Variants in CFAP299 observed in about 807,000 individuals in gnomAD.
CFAP299 encodes the protein cilia and flagella associated protein 299.
In CFAP299, 21 loss-of-function variants were observed where a neutral mutation model predicts 27.0. The ratio of observed to expected loss-of-function variants is 0.78; its 90% CI spans 0.55 to 1.12. The LOEUF (loss-of-function observed/expected upper bound fraction) is 1.12. Ranked by LOEUF, CFAP299 falls within the 50% of genes most tolerant of loss-of-function variation. The pLI, the probability that CFAP299 is intolerant of heterozygous loss-of-function variation, is 0.00. For synonymous variants in CFAP299, 104 were observed against 98.1 expected, an observed-to-expected ratio of 1.06 and a Z score of -0.36; for missense variants, 310 against 276.6, an observed-to-expected ratio of 1.12 and a Z score of -0.86.
At chr4:80,792,016 T>C (rs1011059100) in intron 3 of CFAP299, among the ~76,000 whole-genome samples, 4 of 151,512 alleles carry the variant, frequency 2.6e-5, no homozygotes, top group African/African-American at 9.7e-5. Flanking sequence ...AATGAATAAT[T>C]CAATGTTATA....
At chr4:80,400,037 T>C (rs1726054212) in intron 2 of CFAP299, among the ~76,000 whole-genome samples, 2 of 152,170 alleles carry the variant, frequency 1.3e-5, no homozygotes, top group Admixed American at 1.3e-4. Flanking sequence ...ATTTGTTGGA[T>C]TTTTGCCAAC....
intron 2 of CFAP299, among the ~76,000 whole-genome samples, chr4:80,582,747 C>T (rs749455322): frequency 6.6e-6 from 1 of 151,548 alleles, no homozygotes; most frequent in Non-Finnish European, 1.5e-5. Context: ...ATAAACTGTA[C>T]TAAAGTTATA....
intron 2 of CFAP299, among the ~76,000 whole-genome samples, chr4:80,580,280 G>C (rs1471020985): frequency 6.6e-6 from 1 of 152,012 alleles, no homozygotes; most frequent in African/African-American, 2.4e-5. Flanking sequence ...GTATTCATTA[G>C]CTGAGGTTTG....
At chr4:80,478,671 G>A (rs1730402708) in intron 2 of CFAP299, among the ~76,000 whole-genome samples, 1 of 152,022 alleles carries the variant, frequency 6.6e-6, no homozygotes, top group Non-Finnish European at 1.5e-5. Flanking sequence ...AGTTGGGTAT[G>A]AGTTGATTCT....
At chr4:80,509,539 A>G (rs2110161621) in intron 2 of CFAP299, among the ~76,000 whole-genome samples, 1 of 152,292 alleles carries the variant, frequency 6.6e-6, no homozygotes, top group South Asian at 2.1e-4. Context: ...TTGAATCTTG[A>G]CCTCTGAGTG....
chr4:80,493,977 T>A (rs921609704), intron 2 of CFAP299, among the ~76,000 whole-genome samples: 3 of 151,414 alleles, frequency 2.0e-5, no homozygotes, highest in Non-Finnish European at 4.4e-5. Context: ...GGGTTTCACC[T>A]TGTTAGCCAG....
At chr4:80,772,066 C>T (rs1411263003) in intron 3 of CFAP299, among the ~76,000 whole-genome samples, 2 of 152,170 alleles carry the variant, frequency 1.3e-5, no homozygotes, top group African/African-American at 4.8e-5. Flanking sequence ...TTATGAACAG[C>T]TCTGACCTAT....
chr4:80,452,005 G>A (rs1398255532), intron 2 of CFAP299, among the ~76,000 whole-genome samples: 2 of 152,120 alleles, frequency 1.3e-5, no homozygotes, highest in Non-Finnish European at 2.9e-5. Flanking sequence ...CTTGAGTTTG[G>A]AACAGTTGAT....
chr4:80,586,573 T>G (rs937238476), intron 3 of CFAP299, among the ~76,000 whole-genome samples: 13 of 152,124 alleles, frequency 8.5e-5, no homozygotes, highest in Non-Finnish European at 1.5e-4. Flanking sequence ...GCAAACCGCT[T>G]TACTATTTGC....
intron 3 of CFAP299, among the ~76,000 whole-genome samples, chr4:80,771,300 C>T (rs1046209817): frequency 2.6e-5 from 4 of 152,114 alleles, no homozygotes; most frequent in Non-Finnish European, 4.4e-5. Context: ...AAATGTCAGG[C>T]ACAGACCAAA....
intron 3 of CFAP299, among the ~76,000 whole-genome samples, chr4:80,684,408 C>G (rs756837107): frequency 6.6e-6 from 1 of 151,936 alleles, no homozygotes; most frequent in Non-Finnish European, 1.5e-5. Context: ...GGACTATAGG[C>G]GCCTGCTACC....
intron 2 of CFAP299, among the ~76,000 whole-genome samples, chr4:80,447,435 T>A (rs545890340): frequency 1.5e-5 from 2 of 137,222 alleles, no homozygotes; most frequent in East Asian, 4.5e-4. Context: ...GCGCCCGGCC[T>A]ATTTGTTTGT....
At chr4:80,872,810 T>C (rs1733171107) in intron 4 of CFAP299, 3 of 775,576 alleles carry the variant, frequency 3.9e-6, no homozygotes, top group Non-Finnish European at 4.7e-6. Context: ...AAGTGAGCTA[T>C]TCTTTTTCTT....
chr4:80,473,513 A>G (rs1730113907), intron 2 of CFAP299, among the ~76,000 whole-genome samples: 1 of 151,634 alleles, frequency 6.6e-6, no homozygotes, highest in South Asian at 2.1e-4. Flanking sequence ...TATGTCTTTT[A>G]TTTATAGATT....
intron 2 of CFAP299, among the ~76,000 whole-genome samples, chr4:80,441,951 A>C (rs1728380689): frequency 6.6e-6 from 1 of 152,216 alleles, no homozygotes; most frequent in South Asian, 2.1e-4. Context: ...AGATCATCAG[A>C]GACAAAGAAG....
rs371319233 is a variant in CFAP299 at position 80,486,262 on chromosome 4, G to A, written c.243-96831G>A. ...CTCTCACTACCCTTGTTTTCTAGAGGAAGCCTGCAAATGCCAGTAATTTCT... is the reference window on the plus strand; with the variant it reads ...CTCTCACTACCCTTGTTTTCTAGAGAAAGCCTGCAAATGCCAGTAATTTCT... On this transcript the variant is annotated intron_variant, in intron 2 of 5. Transcript: ENST00000358105. Among the ~76,000 whole-genome samples, 7 of 152,282 alleles carry A rather than the reference G, an allele frequency of 4.6e-5. No homozygotes were observed. In the East Asian group the frequency reaches 9.6e-4, roughly 21 times the overall value.
chr4:80,840,291 A>G (rs1358954714), intron 3 of CFAP299, among the ~76,000 whole-genome samples: 3 of 152,132 alleles, frequency 2.0e-5, no homozygotes, highest in Non-Finnish European at 2.9e-5. Flanking sequence ...ACATCTATCA[A>G]AAGTGTTTAC....
At chr4:80,524,332 G>A (rs969537404) in intron 2 of CFAP299, among the ~76,000 whole-genome samples, 5 of 151,920 alleles carry the variant, frequency 3.3e-5, no homozygotes, top group Non-Finnish European at 5.9e-5. Context: ...TATGTAACTA[G>A]CCCAGAGTTT....
At chr4:80,775,505 A>G (rs1401937916) in intron 3 of CFAP299, among the ~76,000 whole-genome samples, 1 of 151,982 alleles carries the variant, frequency 6.6e-6, no homozygotes, top group East Asian at 1.9e-4. Flanking sequence ...TGGTTGATGT[A>G]TTTTTAAATT....
Sources: allele counts gnomAD v4.1 joint callset (sites outside exome capture counted in the v4.1 genomes callset), GRCh38; gene constraint gnomAD v4.1.1; transcripts MANE v1.5; gene names NCBI Gene and HGNC (gene_info 2026-07-23, HGNC 2026-07-21).